The following CIITA variants were observed in gnomAD, a reference collection of about 807,000 sequenced individuals.
The protein encoded by CIITA is MHC class II transactivator.
Under a neutral mutation model 115.1 loss-of-function variants are expected in CIITA, and 72 were observed. That is an observed-to-expected ratio of 0.63 (90% CI 0.52 to 0.76). CIITA has a LOEUF of 0.76. Ranked by LOEUF, CIITA falls within the 30% of genes least tolerant of loss-of-function variation. CIITA has a pLI of 0.00. For missense variants in CIITA, 1,617 were observed against 1,463.8 expected, an observed-to-expected ratio of 1.10 and a Z score of -1.71; for synonymous variants, 763 against 635.6, an observed-to-expected ratio of 1.20 and a Z score of -3.02.
At chr16:10,875,805 G>A (rs1464368396), upstream of CIITA, among the ~76,000 whole-genome samples, 5 of 151,978 alleles carry the variant, frequency 3.3e-5, no homozygotes, top group African/African-American at 1.2e-4. Context: ...AGAGTAGCTG[G>A]GACTATAGTT....
intron 3 of CIITA, among the ~76,000 whole-genome samples, chr16:10,898,100 C>G (rs976387479): frequency 3.3e-5 from 5 of 152,160 alleles, no homozygotes. Context: ...CCCTGATTGC[C>G]CTATTCCACC....
chr16:10,936,614 T>G (rs74717883), downstream of CIITA: 5 of 152,292 alleles, frequency 3.3e-5, no homozygotes, highest in East Asian at 9.6e-4. Context: ...TTTTGTTTGT[T>G]TGTTTGTTTT....
In CIITA at chr16:10,923,361, T is replaced by C; in HGVS notation, c.*22+36T>C. ...TGGGCTTGGGAGGGGAGAGCCGCAGTGGGTTGGGGGCAGTGTCCTTGTGAA... is the reference window on the plus strand; with the variant it reads ...TGGGCTTGGGAGGGGAGAGCCGCAGCGGGTTGGGGGCAGTGTCCTTGTGAA... On this transcript the variant is annotated intron_variant, in intron 19 of 19. Coordinates refer to ENST00000324288, the MANE Select transcript of CIITA (RefSeq NM_000246.4). This position sits in a 1 kb window ranked among gnomAD's most constrained non-coding sequence, Gnocchi z 5.2. The C allele has an allele frequency of 6.7e-7, 1 of 1,490,590 alleles. No homozygotes were observed. The highest frequency in any genetic ancestry group is 1.1e-5 in the South Asian group (1 of 88,670). The allele number at this position is 1,490,590 out of a possible 1,614,324, so 92.3% of individuals were successfully genotyped here.
At chr16:10,885,339 C>T (rs923457829) in intron 1 of CIITA, among the ~76,000 whole-genome samples, 1 of 152,178 alleles carries the variant, frequency 6.6e-6, no homozygotes, top group African/African-American at 2.4e-5. Context: ...CACACATACA[C>T]ATGCACACAC....
At chr16:10,908,945 G>T (rs762076375) in intron 11 of CIITA, 84 bp from the exon 12 acceptor site, 14 of 1,594,440 alleles carry the variant, frequency 8.8e-6, no homozygotes, top group Non-Finnish European at 1.2e-5. Flanking sequence ...TATTTTAATA[G>T]GTAGGAGGAC....
In CIITA at chr16:10,886,421, T is replaced by TAAC. The variant is rs552653969; in HGVS notation, c.53-8859_53-8857dup. ...ACCTCCAACTCTCTGTCACCACAAA[T>TAAC]AACACAGCAGTAACCATCCTCAGAT... On this transcript the variant is annotated intron_variant, in intron 1 of 19. Coordinates refer to ENST00000324288, the MANE Select transcript of CIITA (RefSeq NM_000246.4). 1.2e-4 allele frequency among the ~76,000 whole-genome samples: 18 copies of TAAC among 152,332 alleles called. No homozygotes were observed. In the East Asian group the frequency reaches 3.1e-3, roughly 26 times the overall value.
rs2040938279 is a variant in CIITA, at chr16:10,934,456, G to C, written c.*10601G>C. The C allele has an allele frequency of 6.6e-6, 1 of 152,382 alleles. No homozygotes were observed. The highest frequency in any genetic ancestry group is 6.5e-5 in the Admixed American group (1 of 15,302). The allele number at this position is 152,382 out of a possible 1,614,324, so 9.4% of individuals were successfully genotyped here. On this transcript the variant is annotated 3_prime_UTR_variant, in exon 20 of 20. Transcript: ENST00000324288. This position sits in a 1 kb window ranked among gnomAD's most constrained non-coding sequence, Gnocchi z 4.2. The stretch of plus-strand genomic sequence containing the variant: ...GCAAAGCAGTAGGTGCTCAGGGGGT[G>C]TCGGGGCCCTGAGAGCTGATCTGAT...
rs1304685648 is a variant in CIITA, at chr16:10,925,528, T to C, written c.*1673T>C. On this transcript the variant is annotated 3_prime_UTR_variant, in exon 20 of 20. Coordinates refer to ENST00000324288, the MANE Select transcript of CIITA (RefSeq NM_000246.4). The stretch of plus-strand genomic sequence containing the variant: ...TCTCACTATGTTGCCCAGGCAGGTC[T>C]TGAACTCCTGGCCTCAAGTGATTCT... 2 of 152,334 alleles carry C rather than the reference T, an allele frequency of 1.3e-5. No homozygotes were observed. Among genetic ancestry groups the C allele is most frequent in the Admixed American group, 6.5e-5 (1 of 15,286 alleles). The allele number at this position is 152,334 out of a possible 1,614,324, so 9.4% of individuals were successfully genotyped here.
chr16:10,901,686 G>C lies in CIITA; in HGVS notation c.481+128G>C, dbSNP rs780401877. 1.9e-6 allele frequency: 2 copies of C among 1,044,266 alleles called. No homozygotes were observed. Among genetic ancestry groups the C allele is most frequent in the Non-Finnish European group, 2.9e-6 (2 of 695,562 alleles). The allele number at this position is 1,044,266 out of a possible 1,614,324, so 64.7% of individuals were successfully genotyped here. On this transcript the variant is annotated intron_variant, in intron 6 of 19. Transcript: ENST00000324288. The surrounding 1 kb of genome is among the most constrained non-coding windows in gnomAD (Gnocchi z 6.8). ...TGCAGCCCCTGCCCTTCTTTGGGTAGAGGCTGAGAGCTTGGGGTCCCTTAG... is the reference window on the plus strand; with the variant it reads ...TGCAGCCCCTGCCCTTCTTTGGGTACAGGCTGAGAGCTTGGGGTCCCTTAG...
chr16:10,899,353 C>T (rs2038470678), intron 5 of CIITA, among the ~76,000 whole-genome samples: 1 of 152,114 alleles, frequency 6.6e-6, no homozygotes, highest in Non-Finnish European at 1.5e-5. Context: ...ATCTGGAATG[C>T]CCTTCCCCCA....
rs145582837 is a variant in CIITA at position 10,895,014 on chromosome 16, G to T, written c.53-268G>T. On this transcript the variant is annotated intron_variant, in intron 1 of 19. Coordinates refer to ENST00000324288, the MANE Select transcript of CIITA (RefSeq NM_000246.4). ...TTGCCAAATGTGGGACGGGTCTCCT[G>T]ACTCTCTGGTGTGAGATTGATGGAA... Among the ~76,000 whole-genome samples, 14 of 152,284 alleles carry T rather than the reference G, an allele frequency of 9.2e-5. No homozygotes were observed. The East Asian group carries it at 2.5e-3, about 27-fold the overall frequency.
chr16:10,866,676 G>A (rs564672960), intron 1 of CIITA: 100 of 387,092 alleles, frequency 2.6e-4, no homozygotes, highest in African/African-American at 1.5e-3. Context: ...GCAGACTGGT[G>A]AGAAATCCAA....
chr16:10,872,428 C>T (rs978163835), upstream of CIITA, among the ~76,000 whole-genome samples: 1 of 152,090 alleles, frequency 6.6e-6, no homozygotes, highest in Non-Finnish European at 1.5e-5. Flanking sequence ...CAGCCTCTCG[C>T]CCTGTCTTAT....
Position 10,936,360 on chromosome 16 carries a change from C to T in CIITA, c.*12505C>T, listed in dbSNP as rs1347431226. 6.6e-6 allele frequency: 1 copy of T among 152,006 alleles called. No homozygotes were observed. The highest frequency in any genetic ancestry group is 1.5e-5 in the Non-Finnish European group (1 of 68,012). 9.4% of individuals were successfully genotyped at this position (152,006 alleles called of 1,614,324 possible). A position where few individuals can be genotyped will look rare whatever the true frequency, so the allele number is the denominator to read the frequency against. On this transcript the variant is annotated 3_prime_UTR_variant, in exon 20 of 20. Coordinates refer to ENST00000324288, the MANE Select transcript of CIITA (RefSeq NM_000246.4). ...GTGGTTATGCAAATTTGTCCTTGTT[C>T]TAAGGAAATAAATACTGAATTATTT...
rs1261014282 is a variant in CIITA, at chr16:10,923,573, C to T, written c.*22+248C>T. 6.6e-6 allele frequency among the ~76,000 whole-genome samples: 1 copy of T among 152,168 alleles called. No individual in the cohort carries two copies. The highest frequency in any genetic ancestry group is 2.4e-5 in the African/African-American group (1 of 41,432). Reference sequence around the variant, plus strand: ...GGACAGGAAAGTTGGCCATCCACATCCCACAGCCTCAGTGCTTGGAAGAGC... The same window carrying T: ...GGACAGGAAAGTTGGCCATCCACATTCCACAGCCTCAGTGCTTGGAAGAGC... On this transcript the variant is annotated intron_variant, in intron 19 of 19. Coordinates refer to ENST00000324288, the MANE Select transcript of CIITA (RefSeq NM_000246.4). The surrounding 1 kb of genome is among the most constrained non-coding windows in gnomAD (Gnocchi z 5.2).
Position 10,927,169 on chromosome 16 carries a change from A to G in CIITA, c.*3314A>G, listed in dbSNP as rs2040566142. The G allele has an allele frequency of 6.6e-6, 1 of 152,254 alleles. No individual in the cohort carries two copies. Among genetic ancestry groups the G allele is most frequent in the African/African-American group, 2.4e-5 (1 of 41,458 alleles). 9.4% of individuals were successfully genotyped at this position (152,254 alleles called of 1,614,324 possible). On this transcript the variant is annotated 3_prime_UTR_variant, in exon 20 of 20. Transcript: ENST00000324288. ...GGAGCTCAATAACATGTTGGCTGTC[A>G]TTATTACATATATCTGTGTTTCATT... is the stretch of plus-strand genomic sequence containing the variant.
At chr16:10,889,683 C>A (rs2037347800) in intron 1 of CIITA, among the ~76,000 whole-genome samples, 1 of 152,078 alleles carries the variant, frequency 6.6e-6, no homozygotes, top group Non-Finnish European at 1.5e-5. Context: ...CCATGCCTGG[C>A]TAATTTTGTA....
rs1171198216 is a variant in CIITA at position 10,907,612 on chromosome 16, C to A, written c.2120C>A (p.Ala707Asp). The change falls in exon 11 of 20, where the codon GCC (alanine) becomes GAC (aspartate). Residue 707 changes from alanine (A) to aspartate (D), a missense_variant. By Grantham distance (126) the Ala-to-Asp change is moderately radical. Coordinates refer to ENST00000324288, the MANE Select transcript of CIITA (RefSeq NM_000246.4). The surrounding 1 kb of genome is among the most constrained non-coding windows in gnomAD (Gnocchi z 5.0). ...CCGCGGGCCGCAGAGTCCGAGCTGG[C>A]CTTCCCCAGCTTCCTCCTGCAATGC... is the stretch of plus-strand genomic sequence containing the variant. ...HPPRAAESEL[A>D]FPSFLLQCFL... The A allele has an allele frequency of 2.5e-6, 4 of 1,614,130 alleles. No homozygotes were observed. The African/African-American group carries it at 5.3e-5, about 22-fold the overall frequency.
chr16:10,889,205 C>T (rs150592895), intron 1 of CIITA, among the ~76,000 whole-genome samples: 4 of 152,306 alleles, frequency 2.6e-5, no homozygotes, highest in South Asian at 4.1e-4. Context: ...CCCTCCATCC[C>T]GCTCTGGCAA....
Sources: gnomAD v4.1 joint callset for allele counts (sites outside exome capture counted in the v4.1 genomes callset) on GRCh38, gnomAD v4.1.1 for gene constraint, Gnocchi (gnomAD v3.1) non-coding constraint, MANE v1.5 for transcripts, NCBI Gene and HGNC (gene_info 2026-07-23, HGNC 2026-07-21) for gene names.